The following THSD4 variants were observed in gnomAD, a reference collection of about 807,000 sequenced individuals.
THSD4 encodes thrombospondin type 1 domain containing 4, also known as thrombospondin type-1 domain-containing protein 4.
A neutral mutation model predicts 119.0 loss-of-function variants in THSD4; 69 were observed. The observed-to-expected ratio is 0.58, with a 90% confidence interval of 0.48 to 0.71. The LOEUF is 0.71. THSD4 is among the 30% of genes least tolerant of loss of function. The probability of loss-of-function intolerance (pLI) is 0.00; values close to 1 mark genes in which losing one functional copy is unlikely to be tolerated. For missense variants in THSD4, 1,393 were observed against 1,391.1 expected (o/e 1.00, Z -0.02); for synonymous variants, 524 against 540.4 (o/e 0.97, Z 0.42).
chr15:71,571,960 G>T (rs28685839), intron 7 of THSD4, among the ~76,000 whole-genome samples: 25,851 of 152,036 alleles, frequency 0.17, 2,687 homozygotes, highest in East Asian at 0.49. Context: ...GAAGAGTGGG[G>T]TTTTTCATTT....
intron 6 of THSD4, among the ~76,000 whole-genome samples, chr15:71,305,989 G>T (rs531150228): frequency 7.9e-5 from 12 of 151,986 alleles, no homozygotes; most frequent in Non-Finnish European, 1.3e-4. Context: ...TCCCTCAAAC[G>T]ATTGTAAAGA....
intron 7 of THSD4, among the ~76,000 whole-genome samples, chr15:71,444,498 CCT>C (rs1352695408): frequency 6.6e-6 from 1 of 152,200 alleles, no homozygotes; most frequent in Admixed American, 6.5e-5. Context: ...GTAGCCCATG[CCT>C]CTCTCCTGAG....
intron 1 of THSD4, among the ~76,000 whole-genome samples, chr15:71,131,813 G>T (rs1045092052): frequency 6.6e-6 from 1 of 152,172 alleles, no homozygotes; most frequent in African/African-American, 2.4e-5. Context: ...GAAGCTGCTA[G>T]CTCAGTCCTC....
chr15:71,634,518 G>T (rs2050699728), intron 7 of THSD4, among the ~76,000 whole-genome samples: 1 of 152,164 alleles, frequency 6.6e-6, no homozygotes, highest in South Asian at 2.1e-4. Flanking sequence ...GTCCACTTTG[G>T]CTGCAGCTGG....
chr15:71,371,774 G>A (rs1283237006), intron 6 of THSD4, among the ~76,000 whole-genome samples: 1 of 152,024 alleles, frequency 6.6e-6, no homozygotes, highest in Non-Finnish European at 1.5e-5. Context: ...TGCTCTTCTC[G>A]AGGAGTATCT....
In THSD4 at chr15:71,714,583, C is replaced by T. The variant is rs540840592; in HGVS notation, c.1358-13966C>T. Among the ~76,000 whole-genome samples, 6 of 151,760 alleles carry T rather than the reference C, an allele frequency of 4.0e-5. No individual in the cohort carries two copies. In the South Asian group the frequency reaches 1.3e-3, roughly 32 times the overall value. ...AATGCTGGCCAGGAGCAGTGGTTCA[C>T]TCCTGTAATCCCAATACTTTGGGAG... On this transcript the variant is annotated intron_variant, in intron 8 of 17. Transcript: ENST00000261862.
At chr15:71,695,225 C>T (rs1455461050) in intron 8 of THSD4, among the ~76,000 whole-genome samples, 2 of 152,104 alleles carry the variant, frequency 1.3e-5, no homozygotes, top group African/African-American at 2.4e-5. Flanking sequence ...AATTGTATAA[C>T]CCAAGTGTGC....
intron 7 of THSD4, among the ~76,000 whole-genome samples, chr15:71,620,341 C>T (rs1226896723): frequency 6.6e-6 from 1 of 151,792 alleles, no homozygotes; most frequent in East Asian, 1.9e-4. Flanking sequence ...GCCTGTAATC[C>T]CAGAGTTTCA....
Position 71,482,942 on chromosome 15 carries a change from C to G in THSD4, c.1152+71119C>G, listed in dbSNP as rs537224618. On this transcript the variant is annotated intron_variant, in intron 7 of 17. Transcript: ENST00000261862. ...CTTTCTCATAACTGCCACCCTCCCC[C>G]ACAGCAGAGTTCAACTTATATCTCA... Among the ~76,000 whole-genome samples the G allele has an allele frequency of 7.2e-5, 11 of 152,258 alleles. No homozygotes were observed. The South Asian group carries it at 1.7e-3, about 23-fold the overall frequency.
At chr15:71,213,125 C>T (rs1215810926) in intron 3 of THSD4, among the ~76,000 whole-genome samples, 1 of 152,216 alleles carries the variant, frequency 6.6e-6, no homozygotes, top group Non-Finnish European at 1.5e-5. Context: ...TCACTAGGGC[C>T]ACGCTCCTTC....
chr15:71,575,806 A>T (rs751889178), intron 7 of THSD4, among the ~76,000 whole-genome samples: 3 of 151,774 alleles, frequency 2.0e-5, no homozygotes, highest in Non-Finnish European at 4.4e-5. Context: ...TATGGTGTTG[A>T]GTGTACAAAT....
At chr15:71,139,440 G>T (rs1294983514) in intron 1 of THSD4, among the ~76,000 whole-genome samples, 1 of 152,202 alleles carries the variant, frequency 6.6e-6, no homozygotes, top group Non-Finnish European at 1.5e-5. Context: ...CCAAGAGCAA[G>T]AAGACCACAC....
At chr15:71,673,132 T>C (rs1242074232) in intron 8 of THSD4, among the ~76,000 whole-genome samples, 4 of 152,172 alleles carry the variant, frequency 2.6e-5, no homozygotes, top group African/African-American at 9.7e-5. Context: ...CTTTTTCTGG[T>C]TGGCAGGCTA....
At chr15:71,657,353 T>C (rs1422013042) in intron 7 of THSD4, among the ~76,000 whole-genome samples, 1 of 152,222 alleles carries the variant, frequency 6.6e-6, no homozygotes, top group East Asian at 1.9e-4. Flanking sequence ...TCCCCAGCCA[T>C]GCCCTCCTAG....
At position 71,727,553 on chromosome 15, in the gene THSD4, A is replaced by AAAAAAAAATAC. The variant is rs2052875274; in HGVS notation, c.1358-995_1358-994insAAAAAAATACA. Among the ~76,000 whole-genome samples the AAAAAAAAATAC allele has an allele frequency of 2.1e-4, 26 of 122,784 alleles. 4 individuals carry two copies. The highest frequency in any genetic ancestry group is 9.7e-4 in the African/African-American group (25 of 25,878). 80.6% of individuals were successfully genotyped at this position (122,784 alleles called of 152,430 possible). A position where few individuals can be genotyped will look rare whatever the true frequency, so the allele number is the denominator to read the frequency against. ...TCTTAAAAAAAAAAAAAAAAAAAAA[A>AAAAAAAAATAC]ATATATATATATATATATATATATA... On this transcript the variant is annotated intron_variant, in intron 8 of 17. Coordinates refer to ENST00000261862, the MANE Select transcript of THSD4 (RefSeq NM_024817.3).
intron 7 of THSD4, among the ~76,000 whole-genome samples, chr15:71,632,348 G>T (rs1287298777): frequency 6.6e-6 from 1 of 152,136 alleles, no homozygotes; most frequent in Non-Finnish European, 1.5e-5. Flanking sequence ...ATGACTGTAT[G>T]ACCCCTCCTT....
intron 7 of THSD4, among the ~76,000 whole-genome samples, chr15:71,566,768 C>A (rs530157702): frequency 6.6e-6 from 1 of 151,250 alleles, no homozygotes; most frequent in South Asian, 2.1e-4. Context: ...GCTCCCCCTG[C>A]CATTCCCACT....
At chr15:71,552,992 G>A (rs1457229820) in intron 7 of THSD4, among the ~76,000 whole-genome samples, 1 of 152,154 alleles carries the variant, frequency 6.6e-6, no homozygotes, top group Admixed American at 6.5e-5. Flanking sequence ...AACAAATACA[G>A]AGAATAAAAG....
intron 3 of THSD4, among the ~76,000 whole-genome samples, chr15:71,199,647 G>GGT (rs1294128066): frequency 1.6e-5 from 2 of 128,470 alleles, no homozygotes; most frequent in African/African-American, 3.0e-5. Context: ...GTGTGTGTGT[G>GGT]GTGTGTGTGT....
Sources: allele counts gnomAD v4.1 joint callset (sites outside exome capture counted in the v4.1 genomes callset), GRCh38; gene constraint gnomAD v4.1.1; transcripts MANE v1.5; gene names NCBI Gene and HGNC (gene_info 2026-07-23, HGNC 2026-07-21).